SLC38A12: variants seen among roughly 807,000 people sequenced by gnomAD.
The protein encoded by SLC38A12 is putative sodium-coupled neutral amino acid transporter 12.
chr17:74,780,835 AATT>A, the SLC38A12 span, among the ~76,000 whole-genome samples: 2 of 152,194 alleles, frequency 1.3e-5, no homozygotes, highest in East Asian at 3.8e-4. Context: ...AGACAACTGC[AATT>A]ACCCATTTCT....
the SLC38A12 span, chr17:74,836,107 C>A: frequency 2.5e-6 from 4 of 1,613,954 alleles, no homozygotes; most frequent in South Asian, 4.4e-5. This position sits in a 1 kb window ranked among gnomAD's most constrained non-coding sequence, Gnocchi z 4.2. Context: ...CGCCACCTCA[C>A]AAGGCTGGTG....
At chr17:74,780,136 G>C in the SLC38A12 span, among the ~76,000 whole-genome samples, 1 of 152,260 alleles carries the variant, frequency 6.6e-6, no homozygotes, top group Non-Finnish European at 1.5e-5. Flanking sequence ...GGTTCCTGCT[G>C]AAGATTGTTG....
the SLC38A12 span, among the ~76,000 whole-genome samples, chr17:74,832,114 G>A: frequency 2.8e-3 from 423 of 152,208 alleles, 2 homozygotes; most frequent in Admixed American, 1.6e-3. Flanking sequence ...GGTGGGCAGT[G>A]GGGGTTAAGC....
chr17:74,820,807 G>A, the SLC38A12 span, among the ~76,000 whole-genome samples: 1 of 152,252 alleles, frequency 6.6e-6, no homozygotes, highest in South Asian at 2.1e-4. Context: ...CCAGACTCTG[G>A]GGGTGCACGC....
At chr17:74,802,294 T>G in the SLC38A12 span, among the ~76,000 whole-genome samples, 1 of 152,162 alleles carries the variant, frequency 6.6e-6, no homozygotes, top group Non-Finnish European at 1.5e-5. Flanking sequence ...CCAATACCTA[T>G]GCGCCAGTTG....
chr17:74,792,730 G>A, the SLC38A12 span, among the ~76,000 whole-genome samples: 2 of 152,232 alleles, frequency 1.3e-5, no homozygotes, highest in East Asian at 1.9e-4. Flanking sequence ...TAGGCAGGGC[G>A]ATGTGATTAT....
the SLC38A12 span, among the ~76,000 whole-genome samples, chr17:74,823,788 G>A: frequency 6.6e-6 from 1 of 152,266 alleles, no homozygotes; most frequent in Non-Finnish European, 1.5e-5. Context: ...GCCAGGTGGC[G>A]CACCTACTGG....
At chr17:74,784,458 T>C in the SLC38A12 span, among the ~76,000 whole-genome samples, 2 of 152,062 alleles carry the variant, frequency 1.3e-5, no homozygotes, top group Non-Finnish European at 2.9e-5. Context: ...GATGTCTAGG[T>C]GTAGGTGACT....
chr17:74,835,936 T>A, the SLC38A12 span: 2 of 1,599,796 alleles, frequency 1.3e-6, no homozygotes, highest in Non-Finnish European at 1.7e-6. Context: ...GCTTTCGCCG[T>A]CATGATTGTG....
At chr17:74,828,162 A>G in the SLC38A12 span, among the ~76,000 whole-genome samples, 1 of 152,240 alleles carries the variant, frequency 6.6e-6, no homozygotes, top group Non-Finnish European at 1.5e-5. Flanking sequence ...TCACAGTGTC[A>G]GAGCCAGAGC....
At chr17:74,788,954 T>G in the SLC38A12 span, 1 of 1,254,740 alleles carries the variant, frequency 8.0e-7, no homozygotes, top group East Asian at 2.6e-5. Flanking sequence ...ATTCTTTTCC[T>G]CTCAGTGCAT....
chr17:74,790,700 C>T, the SLC38A12 span, among the ~76,000 whole-genome samples: 1 of 151,814 alleles, frequency 6.6e-6, no homozygotes, highest in African/African-American at 2.4e-5. Flanking sequence ...GCTGTCTCCT[C>T]CCTGGTCGGC....
chr17:74,785,428 A>G, the SLC38A12 span: 1 of 1,587,564 alleles, frequency 6.3e-7, no homozygotes, highest in Non-Finnish European at 8.6e-7. Flanking sequence ...GGGAGCTGTT[A>G]AGGGGAGAAG....
the SLC38A12 span, chr17:74,776,516 A>C: frequency 1.3e-5 from 2 of 152,050 alleles, no homozygotes; most frequent in African/African-American, 4.8e-5. Flanking sequence ...GGTGCTGGAC[A>C]GCTGGCGCCG....
chr17:74,795,065 G>T, the SLC38A12 span: 4 of 1,613,912 alleles, frequency 2.5e-6, no homozygotes, highest in Non-Finnish European at 3.4e-6. Context: ...TGGAGACCTC[G>T]CCATCTATGC....
the SLC38A12 span, among the ~76,000 whole-genome samples, chr17:74,827,424 T>C: frequency 1.3e-5 from 2 of 151,894 alleles, no homozygotes; most frequent in Non-Finnish European, 1.5e-5. This position sits in a 1 kb window ranked among gnomAD's most constrained non-coding sequence, Gnocchi z 4.7. Context: ...GCTTTCCAAG[T>C]AGCTGGGATT....
chr17:74,806,403 C>T, the SLC38A12 span, among the ~76,000 whole-genome samples: 4 of 152,166 alleles, frequency 2.6e-5, no homozygotes, highest in East Asian at 1.9e-4. Flanking sequence ...GCACCCATCC[C>T]CTCCCTCCTC....
the SLC38A12 span, chr17:74,836,586 C>A: frequency 6.2e-7 from 1 of 1,613,074 alleles, no homozygotes; most frequent in Non-Finnish European, 8.5e-7. This position sits in a 1 kb window ranked among gnomAD's most constrained non-coding sequence, Gnocchi z 4.2. Context: ...GCACAGGTCC[C>A]CTTTCCGCCA....
At chr17:74,836,939 C>T in the SLC38A12 span, 1 of 1,325,176 alleles carries the variant, frequency 7.5e-7, no homozygotes, top group South Asian at 2.1e-5. The surrounding 1 kb of genome is among the most constrained non-coding windows in gnomAD (Gnocchi z 4.2). Context: ...CTCCCAAGTT[C>T]TAAGACTCAT....
Sources: allele counts gnomAD v4.1 joint callset (sites outside exome capture counted in the v4.1 genomes callset), GRCh38; gene constraint gnomAD v4.1.1; non-coding constraint Gnocchi (gnomAD v3.1); transcripts MANE v1.5; gene names NCBI Gene and HGNC (gene_info 2026-07-23, HGNC 2026-07-21).